Variants in ZMYND15 observed in about 807,000 individuals in gnomAD.
ZMYND15 encodes the protein zinc finger MYND-type containing 15.
ZMYND15 carries 54 observed loss-of-function variants against 81.7 expected under a neutral mutation model. The ratio of observed to expected loss-of-function variants is 0.66; its 90% CI spans 0.53 to 0.83. The LOEUF is 0.83. Ranked by LOEUF, ZMYND15 falls within the 40% of genes least tolerant of loss-of-function variation. ZMYND15 has a pLI of 0.00. For missense variants in ZMYND15, 925 were observed against 973.5 expected, an observed-to-expected ratio of 0.95 and a Z score of 0.66; for synonymous variants, 399 against 387.0, an observed-to-expected ratio of 1.03 and a Z score of -0.36.
At position 4,740,845 on chromosome 17, in the gene ZMYND15, C is replaced by A. The variant is rs149252296; in HGVS notation, c.297C>A (p.Asp99Glu). The A allele has an allele frequency of 7.4e-5, 117 of 1,577,832 alleles. No homozygotes were observed. The African/African-American group carries it at 1.4e-3, about 19-fold the overall frequency. ...LGDNPPLHLR[D>E]LSPYISFVSL... ...ACAACCCTCCACTCCACCTGCGAGA[C>A]CTGAGCCCCTACATCAGCTTTGTCA... is the stretch of plus-strand genomic sequence containing the variant. Residue 99 changes from aspartate to glutamate, a missense_variant, in exon 2 of 14, where the codon GAC (aspartate) becomes GAA (glutamate). Transcript: ENST00000433935.
At position 4,742,030 on chromosome 17, in the gene ZMYND15, G is replaced by A. The variant is rs753063886; in HGVS notation, c.943G>A (p.Val315Met). The A allele has an allele frequency of 8.7e-6, 14 of 1,614,050 alleles. No individual in the cohort carries two copies. Among genetic ancestry groups the A allele is most frequent in the South Asian group, 4.4e-5 (4 of 91,082 alleles). ...FASLRARTCHVCHRHSFEAKL... is the reference protein window; with the variant it reads ...FASLRARTCHMCHRHSFEAKL... ...TTCCCTTCGTGCTCGAACCTGCCAT[G>A]TGTGTCACAGGCACAGCTTTGAAGC... The change falls in exon 4 of 14, where the codon GTG becomes ATG. Residue 315 changes from valine to methionine, a missense_variant. By Grantham distance (21) the Val-to-Met change is conservative. Coordinates refer to ENST00000433935, the MANE Select transcript of ZMYND15 (RefSeq NM_001136046.3).
chr17:4,745,393 T>C lies in ZMYND15; in HGVS notation c.2057+18T>C, dbSNP rs1567700262. 1.3e-6 allele frequency: 2 copies of C among 1,577,058 alleles called. No homozygotes were observed. Among genetic ancestry groups the C allele is most frequent in the Non-Finnish European group, 1.7e-6 (2 of 1,163,404 alleles). ...ATGTCCTGGTAAGGGTCTGCGACCCTATTTCCTTCCTGACCCTTAACTTCT... is the reference window on the plus strand; with the variant it reads ...ATGTCCTGGTAAGGGTCTGCGACCCCATTTCCTTCCTGACCCTTAACTTCT... On this transcript the variant is annotated intron_variant, in intron 13 of 13. Transcript: ENST00000433935. This position sits in a 1 kb window ranked among gnomAD's most constrained non-coding sequence, Gnocchi z 5.2.
chr17:4,741,445 G>A, intron 2 of ZMYND15, 137 bp from the exon 3 acceptor site: 1 of 948,746 alleles, frequency 1.1e-6, no homozygotes, highest in Non-Finnish European at 1.6e-6. Flanking sequence ...GAAGGAGCGT[G>A]CCCTCTCTAC....
intron 2 of ZMYND15, 103 bp from the exon 3 acceptor site, chr17:4,741,479 T>G: frequency 1.6e-6 from 2 of 1,276,278 alleles, no homozygotes; most frequent in Non-Finnish European, 2.2e-6. Context: ...CTCAGTGAGG[T>G]TACTTGCCTA....
Position 4,739,928 on chromosome 17 carries a change from C to G in ZMYND15, c.-153C>G, listed in dbSNP as rs1916305238. The G allele has an allele frequency of 1.9e-5, 19 of 985,174 alleles. No individual in the cohort carries two copies. Among genetic ancestry groups the G allele is most frequent in the Non-Finnish European group, 2.2e-5 (18 of 830,000 alleles). The allele number at this position is 985,174 out of a possible 1,614,324, so 61.0% of individuals were successfully genotyped here. On this transcript the variant is annotated 5_prime_UTR_variant, in exon 1 of 14. Transcript: ENST00000433935. The surrounding 1 kb of genome is among the most constrained non-coding windows in gnomAD (Gnocchi z 5.3). Reference sequence around the variant, plus strand: ...GCGGGGCAGCCACCCGCGGACGCACCGAGCCCGGGGGGCGTGGCCGCCCGC... The same window carrying G: ...GCGGGGCAGCCACCCGCGGACGCACGGAGCCCGGGGGGCGTGGCCGCCCGC...
rs201109923 is a variant in ZMYND15 at position 4,742,056 on chromosome 17, G to A, written c.969G>A (p.Ala323=). 1.8e-5 allele frequency: 29 copies of A among 1,614,134 alleles called. No individual in the cohort carries two copies. Among genetic ancestry groups the A allele is most frequent in the African/African-American group, 9.3e-5 (7 of 75,038 alleles). The change falls in exon 4 of 14, where the codon GCG becomes GCA. Residue 323 remains alanine (A), a synonymous_variant. Coordinates refer to ENST00000433935, the MANE Select transcript of ZMYND15 (RefSeq NM_001136046.3). Reference sequence around the variant, plus strand: ...TGTGTCACAGGCACAGCTTTGAAGCGAAGCTGACACCTTGGTGAGCAGCCC... The same window carrying A: ...TGTGTCACAGGCACAGCTTTGAAGCAAAGCTGACACCTTGGTGAGCAGCCC... The part of the protein sequence containing the change: ...CHVCHRHSFE[A]KLTPCPQCSA...
At position 4,741,721 on chromosome 17, in the gene ZMYND15, C is replaced by G. The variant is rs1363218830; in HGVS notation, c.732C>G (p.Ala244=). 6 of 1,612,982 alleles carry G rather than the reference C, an allele frequency of 3.7e-6. No homozygotes were observed. In the South Asian group the frequency reaches 4.4e-5, roughly 12 times the overall value. ...GSGTKDLAPW[A]YALLCHSMAC... is the part of the protein sequence containing the mutation. ...GGACCAAGGACCTGGCTCCTTGGGC[C>G]TATGCTCTCCTCTGTCACAGCATGG... The change falls in exon 3 of 14, where the codon GCC becomes GCG. Residue 244 remains alanine (A), a synonymous_variant. Transcript: ENST00000433935.
At chr17:4,742,172 C>T (rs1191358914) in intron 4 of ZMYND15, 102 bp downstream of exon 4, 1 of 1,558,426 alleles carries the variant, frequency 6.4e-7, no homozygotes, top group Non-Finnish European at 8.7e-7. Context: ...GAGGCAGGGA[C>T]ATGAGAAGAT....
Position 4,741,895 on chromosome 17 carries a change from TC to T in ZMYND15, c.828-13del, listed in dbSNP as rs771804436. ...GCACCTCCTCCAGCCTGATGCCATC[TC>T]CCCCCCAACTGCATTTAGAGAGCTG... is the stretch of plus-strand genomic sequence containing the variant. On this transcript the variant is annotated intron_variant, in intron 3 of 13. Transcript: ENST00000433935. The T allele has an allele frequency of 1.3e-5, 21 of 1,608,766 alleles. No homozygotes were observed. The highest frequency in any genetic ancestry group is 3.3e-5 in the Admixed American group (2 of 59,720).
chr17:4,744,525 G>A lies in ZMYND15; in HGVS notation c.1683+58G>A. The A allele has an allele frequency of 6.2e-7, 1 of 1,609,308 alleles. No individual in the cohort carries two copies. ...TGACCCCTCCAGTGACCTCCTGGTT[G>A]GGTCCTGCCCTTCTGCCCCCCACTC... is the stretch of plus-strand genomic sequence containing the variant. On this transcript the variant is annotated intron_variant, in intron 10 of 13. Transcript: ENST00000433935. The surrounding 1 kb of genome is among the most constrained non-coding windows in gnomAD (Gnocchi z 4.1).
At position 4,740,662 on chromosome 17, in the gene ZMYND15, C is replaced by T. The variant is rs137993235; in HGVS notation, c.114C>T (p.Gly38=). The T allele has an allele frequency of 6.2e-7, 1 of 1,614,078 alleles. No individual in the cohort carries two copies. Among genetic ancestry groups the T allele is most frequent in the African/African-American group, 1.3e-5 (1 of 74,954 alleles). ...ERGAVGTSLE[G]RCRQLEAQIR... Reference sequence around the variant, plus strand: ...GAGCTGTAGGGACTAGCCTTGAGGGCCGCTGCCGGCAGCTGGAGGCCCAGA... The same window carrying T: ...GAGCTGTAGGGACTAGCCTTGAGGGTCGCTGCCGGCAGCTGGAGGCCCAGA... The change falls in exon 2 of 14, where the codon GGC becomes GGT. Residue 38 remains glycine (G), a synonymous_variant. Coordinates refer to ENST00000433935, the MANE Select transcript of ZMYND15 (RefSeq NM_001136046.3).
intron 2 of ZMYND15, 130 bp from the exon 3 acceptor site, chr17:4,741,452 C>A: frequency 9.7e-7 from 1 of 1,026,276 alleles, no homozygotes. Flanking sequence ...CGTGCCCTCT[C>A]TACCCAGAGC....
At chr17:4,741,496 T>A in intron 2 of ZMYND15, 86 bp from the exon 3 acceptor site, 1 of 1,439,480 alleles carries the variant, frequency 6.9e-7, no homozygotes, top group Non-Finnish European at 9.7e-7. Context: ...CCTAGCCCCG[T>A]AGGTATTTGA....
intron 2 of ZMYND15, 113 bp downstream of exon 2, chr17:4,741,253 A>G (rs1916398111): frequency 3.2e-6 from 4 of 1,255,380 alleles, no homozygotes; most frequent in South Asian, 4.6e-5. Context: ...TGGCCTGAAA[A>G]GGTGTTTTTA....
rs1916638931 is a variant in ZMYND15, at chr17:4,745,750, G to GACCCCTGGGAGCCCCA, written c.2058-57_2058-56insCCCAACCCCTGGGAGC. 4.9e-6 allele frequency: 5 copies of GACCCCTGGGAGCCCCA among 1,014,212 alleles called. No homozygotes were observed. Among genetic ancestry groups the GACCCCTGGGAGCCCCA allele is most frequent in the Non-Finnish European group, 2.5e-6 (2 of 791,604 alleles). 62.8% of individuals were successfully genotyped at this position (1,014,212 alleles called of 1,614,324 possible). ...CCCTGACCGCGCCCCTGGGAGCCCC[G>GACCCCTGGGAGCCCCA]ACCCCTGGGAGCGCCGACCCCTGGG... On this transcript the variant is annotated intron_variant, in intron 13 of 13. Coordinates refer to ENST00000433935, the MANE Select transcript of ZMYND15 (RefSeq NM_001136046.3). This position sits in a 1 kb window ranked among gnomAD's most constrained non-coding sequence, Gnocchi z 5.2.
At chr17:4,741,433 T>A in intron 2 of ZMYND15, 149 bp from the exon 3 acceptor site, 1 of 880,554 alleles carries the variant, frequency 1.1e-6, no homozygotes, top group Non-Finnish European at 1.8e-6. Context: ...CTGTCCCCTT[T>A]AGAAGGAGCG....
At position 4,742,089 on chromosome 17, in the gene ZMYND15, G is replaced by A. The variant is rs773097230; in HGVS notation, c.983+19G>A. The A allele has an allele frequency of 1.9e-6, 3 of 1,613,394 alleles. No individual in the cohort carries two copies. Among genetic ancestry groups the A allele is most frequent in the Non-Finnish European group, 2.5e-6 (3 of 1,179,576 alleles). ...CACCTTGGTGAGCAGCCCCAAAGCTGGGGGAGAGGAAGACCCCAATAGGCA... is the reference window on the plus strand; with the variant it reads ...CACCTTGGTGAGCAGCCCCAAAGCTAGGGGAGAGGAAGACCCCAATAGGCA... On this transcript the variant is annotated intron_variant, in intron 4 of 13. Transcript: ENST00000433935.
At position 4,739,908 on chromosome 17, in the gene ZMYND15, G is replaced by A; in HGVS notation, c.-173G>A. 2.0e-6 allele frequency: 2 copies of A among 985,362 alleles called. No individual in the cohort carries two copies. The highest frequency in any genetic ancestry group is 2.4e-6 in the Non-Finnish European group (2 of 830,026). 61.0% of individuals were successfully genotyped at this position (985,362 alleles called of 1,614,324 possible). A position where few individuals can be genotyped will look rare whatever the true frequency, so the allele number is the denominator to read the frequency against. The stretch of plus-strand genomic sequence containing the variant: ...AGCCCCGGCCGCGCGCACCTGCGGG[G>A]CAGCCACCCGCGGACGCACCGAGCC... On this transcript the variant is annotated 5_prime_UTR_variant, in exon 1 of 14. Coordinates refer to ENST00000433935, the MANE Select transcript of ZMYND15 (RefSeq NM_001136046.3). The surrounding 1 kb of genome is among the most constrained non-coding windows in gnomAD (Gnocchi z 5.3).
In ZMYND15 at chr17:4,745,739, C is replaced by G. The variant is rs1159521179; in HGVS notation, c.2058-80C>G. On this transcript the variant is annotated intron_variant, in intron 13 of 13. Transcript: ENST00000433935. This position sits in a 1 kb window ranked among gnomAD's most constrained non-coding sequence, Gnocchi z 5.2. Reference sequence around the variant, plus strand: ...CGCCCCCTGGTCCCTGACCGCGCCCCTGGGAGCCCCGACCCCTGGGAGCGC... The same window carrying G: ...CGCCCCCTGGTCCCTGACCGCGCCCGTGGGAGCCCCGACCCCTGGGAGCGC... The G allele has an allele frequency of 8.2e-7, 1 of 1,224,490 alleles. No homozygotes were observed. The highest frequency in any genetic ancestry group is 2.6e-5 in the East Asian group (1 of 38,322). 75.9% of individuals were successfully genotyped at this position (1,224,490 alleles called of 1,614,324 possible). A position where few individuals can be genotyped will look rare whatever the true frequency, so the allele number is the denominator to read the frequency against.
Sources: allele counts gnomAD v4.1 joint callset, GRCh38; gene constraint gnomAD v4.1.1; non-coding constraint Gnocchi (gnomAD v3.1); transcripts MANE v1.5; gene names NCBI Gene and HGNC (gene_info 2026-07-23, HGNC 2026-07-21).